Variants in PLIN1 observed in about 807,000 individuals in gnomAD.
PLIN1 encodes perilipin 1, also known as perilipin-1.
Under a neutral mutation model 45.8 loss-of-function variants are expected in PLIN1, and 37 were observed. That is an observed-to-expected ratio of 0.81 (90% CI 0.62 to 1.06). The LOEUF (loss-of-function observed/expected upper bound fraction) is 1.06. Ranked by LOEUF, PLIN1 falls within the 50% of genes least tolerant of loss-of-function variation. The probability of loss-of-function intolerance (pLI) is 0.00; values close to 1 mark genes in which losing one functional copy is unlikely to be tolerated. For missense variants in PLIN1, 776 were observed against 716.5 expected (o/e 1.08, Z -0.95); for synonymous variants, 340 against 309.2 (o/e 1.10, Z -1.05).
rs889912128 is a variant in PLIN1 at position 89,677,371 on chromosome 15, G to A, written c.45+74C>T. The A allele has an allele frequency of 3.4e-6, 4 of 1,169,138 alleles. No homozygotes were observed. The Admixed American group carries it at 6.7e-5, about 20-fold the overall frequency. 72.4% of individuals were successfully genotyped at this position (1,169,138 alleles called of 1,614,324 possible). On this transcript the variant is annotated intron_variant, in intron 2 of 8. Transcript: ENST00000300055. ...GGGAATATCTTGCTCTAAGTCCCCTGCATCTCCCCTCCCTGCTTCTTCCTC... is the reference window on the plus strand; with the variant it reads ...GGGAATATCTTGCTCTAAGTCCCCTACATCTCCCCTCCCTGCTTCTTCCTC...
Position 89,665,626 on chromosome 15 carries a change from A to C in PLIN1, c.1526T>G (p.Ile509Ser). Residue 509 changes from isoleucine to serine, a missense_variant, in exon 9 of 9, where the codon ATC becomes AGC. Ile to Ser is a moderately radical substitution (Grantham distance 142). Coordinates refer to ENST00000300055, the MANE Select transcript of PLIN1 (RefSeq NM_002666.5). ...SFFRPSVMEP[I>S]LGRTHYSQLR... ...CTGGCTGTAATGCGTGCGGCCCAGG[A>C]TGGGCTCCATGACGCTGGGCCGGAA... 1 of 1,516,590 alleles carries C rather than the reference A, an allele frequency of 6.6e-7. No homozygotes were observed. Among genetic ancestry groups the C allele is most frequent in the African/African-American group, 1.4e-5 (1 of 70,744 alleles). The allele number at this position is 1,516,590 out of a possible 1,614,324, so 93.9% of individuals were successfully genotyped here. A position where few individuals can be genotyped will look rare whatever the true frequency, so the allele number is the denominator to read the frequency against.
rs914036292 is a variant in PLIN1, at chr15:89,665,030, A to T, written c.*553T>A. The T allele has an allele frequency of 4.7e-6, 2 of 430,036 alleles. No homozygotes were observed. The highest frequency in any genetic ancestry group is 4.1e-5 in the African/African-American group (2 of 49,230). The allele number at this position is 430,036 out of a possible 1,614,324, so 26.6% of individuals were successfully genotyped here. A position where few individuals can be genotyped will look rare whatever the true frequency, so the allele number is the denominator to read the frequency against. On this transcript the variant is annotated 3_prime_UTR_variant, in exon 9 of 9. Transcript: ENST00000300055. ...CACTAGTATTTTAAATAAACACCCA[A>T]GAGCTTTTGCATCTGATTGTTCCCT...
Position 89,670,084 on chromosome 15 carries a change from G to A in PLIN1, c.494C>T (p.Ala165Val). The change falls in exon 5 of 9, where the codon GCC (alanine) becomes GTC (valine). Residue 165 changes from alanine (A) to valine (V), a missense_variant. Physicochemically the swap from Ala to Val is moderately conservative, Grantham distance 64. Transcript: ENST00000300055. The stretch of plus-strand genomic sequence containing the variant: ...AGCCAGTCGGCCAGCTCGAGTGTTG[G>A]CAGCAAATTCCGCAGTGTCTCTGGC... ...GVARDTAEFA[A>V]NTRAGRLASG... The A allele has an allele frequency of 6.2e-7, 1 of 1,614,178 alleles. No homozygotes were observed. Among genetic ancestry groups the A allele is most frequent in the South Asian group, 1.1e-5 (1 of 91,078 alleles).
intron 3 of PLIN1, among the ~76,000 whole-genome samples, chr15:89,672,429 G>A (rs182210934): frequency 7.8e-4 from 119 of 152,340 alleles, no homozygotes; most frequent in African/African-American, 2.8e-3. Flanking sequence ...CTGTCTTCCA[G>A]TTGGGCAGAA....
At chr15:89,667,465 G>T in intron 7 of PLIN1, 137 bp downstream of exon 7, 3 of 1,348,470 alleles carry the variant, frequency 2.2e-6, no homozygotes, top group South Asian at 1.2e-5. Flanking sequence ...CTGGGCATTT[G>T]GGGGTGGGGT....
chr15:89,671,194 T>A (rs1416190017), intron 4 of PLIN1, among the ~76,000 whole-genome samples: 1 of 152,124 alleles, frequency 6.6e-6, no homozygotes, highest in African/African-American at 2.4e-5. Flanking sequence ...GAACCTCAGA[T>A]CCCAGGGTGC....
At chr15:89,670,511 C>G (rs1964424435) in intron 4 of PLIN1, among the ~76,000 whole-genome samples, 1 of 152,138 alleles carries the variant, frequency 6.6e-6, no homozygotes. Flanking sequence ...TGAGGATGAC[C>G]CCAAAGGCTC....
In PLIN1 at chr15:89,667,177, G is replaced by GC. The variant is rs1230073493; in HGVS notation, c.967dup (p.Ala323GlyfsTer70). On this transcript the variant is annotated frameshift_variant, in exon 8 of 9. Transcript: ENST00000300055. LOFTEE classifies it high-confidence loss of function. ...GAGGCCTCGAGGGCCTGGCAGGGCTGCTACCTGGGGGCCAAAGCAGGGTCA... is the reference window on the plus strand; with the variant it reads ...GAGGCCTCGAGGGCCTGGCAGGGCTGCCTACCTGGGGGCCAAAGCAGGGTCA... 1 of 1,613,106 alleles carries GC rather than the reference G, an allele frequency of 6.2e-7. No individual in the cohort carries two copies. The highest frequency in any genetic ancestry group is 8.5e-7 in the Non-Finnish European group (1 of 1,179,986).
At position 89,665,910 on chromosome 15, in the gene PLIN1, G is replaced by T; in HGVS notation, c.1242C>A (p.Ser414Arg). ...LPRLSLMEPESEFRDIDNPPA... is the reference protein window; with the variant it reads ...LPRLSLMEPEREFRDIDNPPA... ...GTGGGTTGTCGATGTCCCGGAATTC[G>T]CTCTCGGGCTCCATCAGCGACAGCC... is the stretch of plus-strand genomic sequence containing the variant. The change falls in exon 9 of 9, where the codon AGC becomes AGA. Residue 414 changes from serine (S) to arginine (R), a missense_variant. By Grantham distance (110) the Ser-to-Arg change is moderately radical (BLOSUM62 -1). Coordinates refer to ENST00000300055, the MANE Select transcript of PLIN1 (RefSeq NM_002666.5). The T allele has an allele frequency of 6.5e-7, 1 of 1,533,280 alleles. No individual in the cohort carries two copies. Among genetic ancestry groups the T allele is most frequent in the Non-Finnish European group, 8.7e-7 (1 of 1,148,782 alleles). The allele number at this position is 1,533,280 out of a possible 1,614,324, so 95.0% of individuals were successfully genotyped here.
At chr15:89,668,668 G>A (rs1294378668) in intron 6 of PLIN1, among the ~76,000 whole-genome samples, 2 of 152,164 alleles carry the variant, frequency 1.3e-5, no homozygotes, top group Non-Finnish European at 2.9e-5. Flanking sequence ...GCGAATGGTG[G>A]CACGTGAGGT....
chr15:89,673,253 A>G lies in PLIN1; in HGVS notation c.207T>C (p.Ala69=). Residue 69 remains alanine (A), a synonymous_variant, in exon 3 of 9, where the codon GCT becomes GCC. Transcript: ENST00000300055. ...GGACCACCGGCTCCATGCTCCAGGCAGCCAAGCTACTGGCGCTCTGCACGC... is the reference window on the plus strand; with the variant it reads ...GGACCACCGGCTCCATGCTCCAGGCGGCCAAGCTACTGGCGCTCTGCACGC... ...EKGVQSASSL[A]AWSMEPVVRR... is the part of the protein sequence containing the mutation. The G allele has an allele frequency of 6.3e-7, 1 of 1,580,196 alleles. No homozygotes were observed. The highest frequency in any genetic ancestry group is 8.6e-7 in the Non-Finnish European group (1 of 1,161,732).
Position 89,667,105 on chromosome 15 carries a change from A to C in PLIN1, c.1040T>G (p.Ile347Ser). ...HTLQKTLQTT[I>S]SAVTWAPAAV... ...TGCAGGTGCCCATGTCACAGCCGAGATGGTGGTCTGGAGGGTCTTCTGCAG... is the reference window on the plus strand; with the variant it reads ...TGCAGGTGCCCATGTCACAGCCGAGCTGGTGGTCTGGAGGGTCTTCTGCAG... Residue 347 changes from isoleucine to serine, a missense_variant, in exon 8 of 9, where the codon ATC becomes AGC. By Grantham distance (142) the Ile-to-Ser change is moderately radical. Transcript: ENST00000300055. The C allele has an allele frequency of 3.1e-6, 5 of 1,614,034 alleles. No individual in the cohort carries two copies. Among genetic ancestry groups the C allele is most frequent in the Non-Finnish European group, 4.2e-6 (5 of 1,180,014 alleles).
At chr15:89,677,006 C>T (rs1964528914) in intron 2 of PLIN1, 1 of 206,172 alleles carries the variant, frequency 4.9e-6, no homozygotes, top group Admixed American at 5.1e-5. Flanking sequence ...ACCCTTCCCC[C>T]CACACAGCAG....
At chr15:89,678,175 G>C (rs1964547626) in intron 1 of PLIN1, among the ~76,000 whole-genome samples, 1 of 151,622 alleles carries the variant, frequency 6.6e-6, no homozygotes. Context: ...TTACAGGCAA[G>C]AGCCACCATG....
chr15:89,666,900 T>C (rs372812255), intron 8 of PLIN1, 36 bp downstream of exon 8: 4 of 1,612,478 alleles, frequency 2.5e-6, no homozygotes, highest in Non-Finnish European at 3.4e-6. Flanking sequence ...CCAGGCCCCC[T>C]TGGGACACTA....
intron 1 of PLIN1, among the ~76,000 whole-genome samples, chr15:89,678,737 G>C (rs1432194378): frequency 6.6e-6 from 1 of 152,098 alleles, no homozygotes; most frequent in Non-Finnish European, 1.5e-5. Flanking sequence ...AATACAGTGA[G>C]ATGCCCATCT....
intron 1 of PLIN1, among the ~76,000 whole-genome samples, chr15:89,678,607 C>G (rs1443769808): frequency 6.6e-6 from 1 of 151,856 alleles, no homozygotes; most frequent in Non-Finnish European, 1.5e-5. Flanking sequence ...AAATGAGGGT[C>G]CAAAAGAGAC....
At chr15:89,668,275 T>C (rs1964385533) in intron 6 of PLIN1, among the ~76,000 whole-genome samples, 1 of 152,256 alleles carries the variant, frequency 6.6e-6, no homozygotes, top group Non-Finnish European at 1.5e-5. Context: ...TTTTCATTTC[T>C]GTGTAATATT....
intron 1 of PLIN1, 106 bp from the exon 2 acceptor site, chr15:89,677,609 G>A (rs910275354): frequency 4.5e-6 from 4 of 886,076 alleles, no homozygotes; most frequent in South Asian, 1.3e-5. Context: ...CTGCCTGGGG[G>A]CCCATTTGCC....
Sources: gnomAD v4.1 joint callset for allele counts (sites outside exome capture counted in the v4.1 genomes callset) on GRCh38, gnomAD v4.1.1 for gene constraint, MANE v1.5 for transcripts, NCBI Gene and HGNC (gene_info 2026-07-23, HGNC 2026-07-21) for gene names.